The following RWDD2B variants were observed in gnomAD, a reference collection of about 807,000 sequenced individuals.
RWDD2B encodes RWD domain-containing protein 2B.
In RWDD2B, 36 loss-of-function variants were observed where a neutral mutation model predicts 33.6. The ratio of observed to expected loss-of-function variants is 1.07; its 90% confidence interval spans 0.82 to 1.42. The LOEUF (loss-of-function observed/expected upper bound fraction) is 1.42. Among genes scored for constraint, RWDD2B ranks in the 40% most tolerant of loss-of-function variants. The pLI is 0.00. For synonymous variants in RWDD2B, 126 were observed against 133.1 expected (o/e 0.95, Z 0.37); for missense variants, 364 against 377.5 (o/e 0.96, Z 0.30).
At chr21:29,008,359 C>A in intron 2 of RWDD2B, 36 bp downstream of exon 2, 1 of 1,612,306 alleles carries the variant, frequency 6.2e-7, no homozygotes, top group Non-Finnish European at 8.5e-7. Context: ...TAAGTCTCAA[C>A]ATGTTTCAAT....
At chr21:29,012,117 T>TG (rs1255458118) in intron 1 of RWDD2B, among the ~76,000 whole-genome samples, 1 of 101,642 alleles carries the variant, frequency 9.8e-6, no homozygotes, top group Non-Finnish European at 2.1e-5. Flanking sequence ...GGAGGGAGGT[T>TG]GGGGGGTCAG....
Position 29,008,556 on chromosome 21 carries a change from G to A in RWDD2B, c.133C>T (p.Leu45=). ...QAEAQLAELD[L]LASMFPGENE... is the part of the protein sequence containing the mutation. Reference sequence around the variant, plus strand: ...TCACCAGGGAACATACTGGCTAGCAGGTCTAACTCAGCAAGCTGGGCCTCC... The same window carrying A: ...TCACCAGGGAACATACTGGCTAGCAAGTCTAACTCAGCAAGCTGGGCCTCC... Residue 45 remains leucine, a synonymous_variant, in exon 2 of 5, where the codon CTG becomes TTG. Transcript: ENST00000493196. The A allele has an allele frequency of 6.2e-7, 1 of 1,614,090 alleles. No homozygotes were observed. The highest frequency in any genetic ancestry group is 8.5e-7 in the Non-Finnish European group (1 of 1,180,022).
At position 29,006,536 on chromosome 21, in the gene RWDD2B, C is replaced by A; in HGVS notation, c.841G>T (p.Val281Leu). The A allele has an allele frequency of 1.2e-6, 2 of 1,613,896 alleles. No individual in the cohort carries two copies. Among genetic ancestry groups the A allele is most frequent in the Non-Finnish European group, 1.7e-6 (2 of 1,179,806 alleles). The change falls in exon 5 of 5, where the codon GTG becomes TTG. Residue 281 changes from valine (V) to leucine (L), a missense_variant. By Grantham distance (32) the Val-to-Leu change is conservative (BLOSUM62 1). Coordinates refer to ENST00000493196, the MANE Select transcript of RWDD2B (RefSeq NM_016940.3). ...QRKFSIFEEKVFSVNGARGNH... is the reference protein window; with the variant it reads ...QRKFSIFEEKLFSVNGARGNH... The stretch of plus-strand genomic sequence containing the variant: ...CCCCTGGCTCCATTAACACTGAACA[C>A]TTTTTCTTCAAAAATGGAAAATTTC...
At chr21:29,019,152 C>T (rs2084903468) in intron 1 of RWDD2B, 59 bp downstream of exon 1, 2 of 1,401,360 alleles carry the variant, frequency 1.4e-6, no homozygotes, top group East Asian at 2.4e-5. Flanking sequence ...GCACTGGGCG[C>T]TGCAGCGTGG....
At position 29,006,595 on chromosome 21, in the gene RWDD2B, AAAGG is replaced by A; in HGVS notation, c.778_781del (p.Pro260LeufsTer41). On this transcript the variant is annotated frameshift_variant, in exon 5 of 5. Coordinates refer to ENST00000493196, the MANE Select transcript of RWDD2B (RefSeq NM_016940.3). LOFTEE classifies it high-confidence loss of function. ...TTCCGTTTCATCATTTGTACCATCA[AAAGG>A]AATGTCTTCTCGATGGCGAATTAAA... The A allele has an allele frequency of 6.2e-7, 1 of 1,613,714 alleles. No individual in the cohort carries two copies. Among genetic ancestry groups the A allele is most frequent in the South Asian group, 1.1e-5 (1 of 90,886 alleles).
chr21:29,012,128 C>T (rs1246058833), intron 1 of RWDD2B, among the ~76,000 whole-genome samples: 5 of 144,480 alleles, frequency 3.5e-5, no homozygotes, highest in African/African-American at 1.3e-4. Context: ...GGGGGGTCAG[C>T]CCCCCGCCCG....
Position 29,008,318 on chromosome 21 carries a change from A to G in RWDD2B, c.295-11T>C. ...CAGAGAAAACATCGCCTGATTAAAG[A>G]GAAGAAGAAAAAGTGCACTAACCAA... On this transcript the variant is annotated splice_polypyrimidine_tract_variant and intron_variant, in intron 2 of 4. Transcript: ENST00000493196. The G allele has an allele frequency of 6.2e-7, 1 of 1,614,098 alleles. No homozygotes were observed. Among genetic ancestry groups the G allele is most frequent in the Non-Finnish European group, 8.5e-7 (1 of 1,179,916 alleles).
intron 1 of RWDD2B, among the ~76,000 whole-genome samples, chr21:29,013,566 G>A (rs2084875069): frequency 6.6e-6 from 1 of 151,780 alleles, no homozygotes; most frequent in South Asian, 2.1e-4. Flanking sequence ...GCCGGCGCCT[G>A]TAGTCCCAGC....
chr21:29,006,533 A>C lies in RWDD2B; in HGVS notation c.844T>G (p.Phe282Val). 2 of 1,613,678 alleles carry C rather than the reference A, an allele frequency of 1.2e-6. No homozygotes were observed. Among genetic ancestry groups the C allele is most frequent in the Non-Finnish European group, 1.7e-6 (2 of 1,179,652 alleles). The change falls in exon 5 of 5, where the codon TTC becomes GTC. Residue 282 changes from phenylalanine to valine, a missense_variant. Phe to Val is a conservative substitution (Grantham distance 50). Transcript: ENST00000493196. ...TTTCCCCTGGCTCCATTAACACTGA[A>C]CACTTTTTCTTCAAAAATGGAAAAT... Reference protein sequence around the residue: ...RKFSIFEEKVFSVNGARGNHM... With the variant: ...RKFSIFEEKVVSVNGARGNHM...
chr21:29,018,022 G>C (rs760057939), intron 1 of RWDD2B, among the ~76,000 whole-genome samples: 1 of 152,194 alleles, frequency 6.6e-6, no homozygotes, highest in Non-Finnish European at 1.5e-5. Context: ...AGAGAGGTTT[G>C]ACTTATGAAG....
intron 1 of RWDD2B, among the ~76,000 whole-genome samples, chr21:29,010,632 AC>A (rs1020646137): frequency 3.8e-4 from 52 of 137,552 alleles, no homozygotes; most frequent in Non-Finnish European, 5.3e-4. Context: ...AAAAAAAAAA[AC>A]CAAAAAAAAC....
At chr21:29,019,040 G>A (rs1167715453) in intron 1 of RWDD2B, among the ~76,000 whole-genome samples, 171 bp downstream of exon 1, 1 of 152,172 alleles carries the variant, frequency 6.6e-6, no homozygotes, top group Non-Finnish European at 1.5e-5. Context: ...GCTGGAGCAG[G>A]GCTGCAGAAG....
chr21:29,018,817 C>T (rs1037007146), intron 1 of RWDD2B, among the ~76,000 whole-genome samples: 1 of 152,160 alleles, frequency 6.6e-6, no homozygotes, highest in East Asian at 1.9e-4. Flanking sequence ...ATAGTAAGAG[C>T]TCGCCTTTAT....
chr21:29,012,154 C>T (rs1308777427), intron 1 of RWDD2B, among the ~76,000 whole-genome samples: 2 of 108,044 alleles, frequency 1.9e-5, no homozygotes, highest in African/African-American at 3.9e-5. Context: ...CCGCCCCGTC[C>T]GGGAGGGAGG....
intron 1 of RWDD2B, among the ~76,000 whole-genome samples, chr21:29,011,874 C>T (rs2146338116): frequency 7.7e-6 from 1 of 130,018 alleles, no homozygotes; most frequent in Non-Finnish European, 1.7e-5. Context: ...GGCCAGCCGC[C>T]CCGTCCGGGA....
chr21:29,018,506 GA>G (rs756796668), intron 1 of RWDD2B, among the ~76,000 whole-genome samples: 8 of 152,206 alleles, frequency 5.3e-5, no homozygotes, highest in Non-Finnish European at 8.8e-5. Context: ...GGGTGCTATT[GA>G]ATTGGAGGTA....
intron 4 of RWDD2B, 21 bp downstream of exon 4, chr21:29,007,740 T>C (rs762650044): frequency 3.1e-6 from 5 of 1,601,110 alleles, no homozygotes; most frequent in South Asian, 2.2e-5. Context: ...CATGACTTCA[T>C]ATACATATGT....
chr21:29,006,909 CCCGT>C (rs1450522957), intron 4 of RWDD2B, among the ~76,000 whole-genome samples: 1 of 152,068 alleles, frequency 6.6e-6, no homozygotes, highest in Non-Finnish European at 1.5e-5. Flanking sequence ...TCATACACAC[CCCGT>C]CCAAGAAGTC....
chr21:29,008,502 C>G lies in RWDD2B; in HGVS notation c.187G>C (p.Ala63Pro). 1 of 1,614,202 alleles carries G rather than the reference C, an allele frequency of 6.2e-7. No homozygotes were observed. Among genetic ancestry groups the G allele is most frequent in the South Asian group, 1.1e-5 (1 of 91,088 alleles). The part of the protein sequence containing the change: ...ENELIVNDQL[A>P]VAELKDCIEK... Reference sequence around the variant, plus strand: ...ATACAATCTTTCAGTTCTGCTACAGCCAGCTGGTCATTCACTATGAGCTCA... The same window carrying G: ...ATACAATCTTTCAGTTCTGCTACAGGCAGCTGGTCATTCACTATGAGCTCA... Residue 63 changes from alanine (A) to proline (P), a missense_variant, in exon 2 of 5, where the codon GCT (alanine) becomes CCT (proline). Ala to Pro is a conservative substitution (Grantham distance 27). Coordinates refer to ENST00000493196, the MANE Select transcript of RWDD2B (RefSeq NM_016940.3).
Sources: allele counts gnomAD v4.1 joint callset (sites outside exome capture counted in the v4.1 genomes callset), GRCh38; gene constraint gnomAD v4.1.1; transcripts MANE v1.5; gene names NCBI Gene and HGNC (gene_info 2026-07-23, HGNC 2026-07-21).